PRR16: variants seen among roughly 807,000 people sequenced by gnomAD.
PRR16 encodes the protein protein Largen.
In PRR16, 6 loss-of-function variants were observed where a neutral mutation model predicts 18.2. That is an observed-to-expected ratio of 0.33 (90% confidence interval 0.18 to 0.65). PRR16 has a LOEUF of 0.65. Among genes scored for constraint, PRR16 ranks in the 30% least tolerant of loss-of-function variants. The probability of loss-of-function intolerance (pLI) is 0.74; values close to 1 mark genes in which losing one functional copy is unlikely to be tolerated. For missense variants in PRR16, 412 were observed against 376.6 expected, an observed-to-expected ratio of 1.09 and a Z score of -0.78; for synonymous variants, 151 against 147.8, an observed-to-expected ratio of 1.02 and a Z score of -0.16.
chr5:120,570,958 T>C (rs1396295837), intron 1 of PRR16, among the ~76,000 whole-genome samples: 2 of 152,144 alleles, frequency 1.3e-5, no homozygotes, highest in Non-Finnish European at 2.9e-5. Context: ...GCAATGTTTA[T>C]GGTTCAGGAA....
At chr5:120,692,306 C>G (rs1449145), downstream of PRR16, among the ~76,000 whole-genome samples, 1 of 152,054 alleles carries the variant, frequency 6.6e-6, no homozygotes, top group Non-Finnish European at 1.5e-5. Context: ...TTCTTTGTTA[C>G]GAACTCTGTC....
the PRR16 span, among the ~76,000 whole-genome samples, chr5:120,702,780 G>A: frequency 4.6e-5 from 7 of 152,108 alleles, no homozygotes; most frequent in African/African-American, 1.4e-4. Context: ...CAGTGAGAGA[G>A]GTTGGAGAAG....
chr5:120,696,767 TAAAC>T, the PRR16 span, among the ~76,000 whole-genome samples: 35 of 152,128 alleles, frequency 2.3e-4, no homozygotes, highest in African/African-American at 8.2e-4. Context: ...AAGTGAAAAA[TAAAC>T]AAAATTAAGA....
chr5:120,745,190 C>G, the PRR16 span, among the ~76,000 whole-genome samples: 8 of 151,790 alleles, frequency 5.3e-5, no homozygotes, highest in Non-Finnish European at 8.8e-5. Context: ...TTTACATATT[C>G]TTTTGCTTCT....
intron 1 of PRR16, among the ~76,000 whole-genome samples, chr5:120,666,309 G>T (rs1276233812): frequency 6.6e-6 from 1 of 152,148 alleles, no homozygotes; most frequent in African/African-American, 2.4e-5. Context: ...CATTGATTTT[G>T]TATCCTGAGA....
At chr5:120,514,383 C>T (rs892774798) in intron 1 of PRR16, among the ~76,000 whole-genome samples, 1 of 152,132 alleles carries the variant, frequency 6.6e-6, no homozygotes, top group African/African-American at 2.4e-5. Flanking sequence ...TTAGTATTCT[C>T]TCCTGAACAG....
downstream of PRR16, among the ~76,000 whole-genome samples, chr5:120,687,572 A>T (rs1757160697): frequency 6.6e-6 from 1 of 152,152 alleles, no homozygotes; most frequent in Admixed American, 6.5e-5. Context: ...TTCTTCCAGG[A>T]TGTACCCTAA....
At chr5:120,785,860 C>T in the PRR16 span, among the ~76,000 whole-genome samples, 13 of 151,636 alleles carry the variant, frequency 8.6e-5, no homozygotes, top group Non-Finnish European at 1.5e-4. Flanking sequence ...TGAGCTACCG[C>T]GCCTGGCCTA....
intron 1 of PRR16, among the ~76,000 whole-genome samples, chr5:120,535,002 A>G (rs1325612493): frequency 6.6e-6 from 1 of 152,196 alleles, no homozygotes; most frequent in South Asian, 2.1e-4. Flanking sequence ...AGTAACATAC[A>G]TGCATCTAAA....
chr5:120,617,074 G>C, intron 1 of PRR16: 1 of 977,702 alleles, frequency 1.0e-6, no homozygotes, highest in Non-Finnish European at 1.2e-6. Flanking sequence ...ATTTTTTAAA[G>C]TTTTCTAATT....
chr5:120,587,727 A>G (rs1350728243), intron 1 of PRR16, among the ~76,000 whole-genome samples: 1 of 152,220 alleles, frequency 6.6e-6, no homozygotes, highest in Admixed American at 6.5e-5. Context: ...GAAGATGTAC[A>G]TAAATTAATG....
the PRR16 span, among the ~76,000 whole-genome samples, chr5:120,787,681 A>G: frequency 2.0e-5 from 3 of 152,152 alleles, no homozygotes; most frequent in Non-Finnish European, 4.4e-5. Context: ...TCAATTTACC[A>G]TTAAGAAAGC....
intron 1 of PRR16, among the ~76,000 whole-genome samples, chr5:120,568,091 T>C (rs1410075192): frequency 6.6e-6 from 1 of 152,206 alleles, no homozygotes; most frequent in East Asian, 1.9e-4. Flanking sequence ...ATTACAAGAT[T>C]TATGTGATGA....
chr5:120,678,943 T>C (rs1381808126), intron 1 of PRR16, among the ~76,000 whole-genome samples: 4 of 152,170 alleles, frequency 2.6e-5, no homozygotes, highest in African/African-American at 9.6e-5. Context: ...ATTTAATTTC[T>C]TCTTAATCTG....
At chr5:120,576,930 A>T (rs1290247269) in intron 1 of PRR16, among the ~76,000 whole-genome samples, 1 of 152,012 alleles carries the variant, frequency 6.6e-6, no homozygotes, top group Non-Finnish European at 1.5e-5. Flanking sequence ...TCTCTCTCTT[A>T]CATATAAATA....
chr5:120,493,704 C>T (rs1433510868), intron 1 of PRR16, among the ~76,000 whole-genome samples: 1 of 152,154 alleles, frequency 6.6e-6, no homozygotes, highest in Non-Finnish European at 1.5e-5. Context: ...CATAGACTTC[C>T]TAGCCCCGGA....
At chr5:120,700,560 C>A in the PRR16 span, among the ~76,000 whole-genome samples, 1 of 151,800 alleles carries the variant, frequency 6.6e-6, no homozygotes, top group African/African-American at 2.4e-5. Flanking sequence ...AGTGTCTCAG[C>A]CTAATAAGGG....
intron 1 of PRR16, among the ~76,000 whole-genome samples, chr5:120,545,554 A>T (rs577785865): frequency 6.6e-6 from 1 of 152,188 alleles, no homozygotes; most frequent in Non-Finnish European, 1.5e-5. Context: ...AACATATATA[A>T]AATAAGCACT....
At chr5:120,783,256 CATGAA>C in the PRR16 span, among the ~76,000 whole-genome samples, 3 of 152,286 alleles carry the variant, frequency 2.0e-5, no homozygotes, top group South Asian at 2.1e-4. Flanking sequence ...GTTTGCGAAG[CATGAA>C]ATGAAACGTT....
Sources: allele counts gnomAD v4.1 joint callset (sites outside exome capture counted in the v4.1 genomes callset), GRCh38; gene constraint gnomAD v4.1.1; transcripts MANE v1.5; gene names NCBI Gene and HGNC (gene_info 2026-07-23, HGNC 2026-07-21).